The following RAB3C variants were observed in gnomAD, a reference collection of about 807,000 sequenced individuals.
RAB3C encodes the protein RAB3C, member RAS oncogene family, also known as ras-related protein Rab-3C.
In RAB3C, 17 loss-of-function variants were observed where a neutral mutation model predicts 26.4. That is an observed-to-expected ratio of 0.64 (90% CI 0.44 to 0.97). The LOEUF (loss-of-function observed/expected upper bound fraction) is 0.97. Ranked by LOEUF, RAB3C falls within the 50% of genes least tolerant of loss-of-function variation. The pLI, the probability that RAB3C is intolerant of heterozygous loss-of-function variation, is 0.00. For missense variants in RAB3C, 242 were observed against 281.9 expected (o/e 0.86, Z 1.01); for synonymous variants, 91 against 95.9 (o/e 0.95, Z 0.30).
intron 3 of RAB3C, among the ~76,000 whole-genome samples, chr5:58,824,078 G>A (rs1025008847): frequency 1.3e-5 from 2 of 151,896 alleles, no homozygotes; most frequent in African/African-American, 4.8e-5. Flanking sequence ...TGGCTGCATA[G>A]TATTCCATGG....
At chr5:58,822,884 A>T (rs1203377018) in intron 3 of RAB3C, 1 of 638,984 alleles carries the variant, frequency 1.6e-6, no homozygotes. Context: ...AGTGGAGATG[A>T]CTGGAGATTA....
chr5:58,750,217 T>C (rs1021301281), intron 3 of RAB3C, among the ~76,000 whole-genome samples: 3 of 152,212 alleles, frequency 2.0e-5, no homozygotes, highest in African/African-American at 7.2e-5. Context: ...GTGTTCACTT[T>C]GGCAAGGGAC....
At chr5:58,829,303 AT>A (rs749235245) in intron 4 of RAB3C, among the ~76,000 whole-genome samples, 8 of 152,214 alleles carry the variant, frequency 5.3e-5, no homozygotes, top group South Asian at 4.1e-4. Context: ...GTACTTATAT[AT>A]GTACAATCTC....
At chr5:58,795,224 G>T (rs1454355925) in intron 3 of RAB3C, among the ~76,000 whole-genome samples, 3 of 152,106 alleles carry the variant, frequency 2.0e-5, no homozygotes, top group Non-Finnish European at 4.4e-5. Flanking sequence ...TGATTGTGGG[G>T]CCTCCCCAGC....
At position 58,686,563 on chromosome 5, in the gene RAB3C, T is replaced by C. The variant is rs964848065; in HGVS notation, c.253-39439T>C. Reference sequence around the variant, plus strand: ...AAAATATTAACAACTGGTTTTGCTATGACTGATTATGGCTTGTGAGTCCTG... The same window carrying C: ...AAAATATTAACAACTGGTTTTGCTACGACTGATTATGGCTTGTGAGTCCTG... On this transcript the variant is annotated intron_variant, in intron 2 of 4. Transcript: ENST00000282878. Among the ~76,000 whole-genome samples the C allele has an allele frequency of 2.6e-5, 4 of 152,236 alleles. No homozygotes were observed. In the East Asian group the frequency reaches 7.7e-4, roughly 29 times the overall value.
chr5:58,793,074 A>G (rs1221910728), intron 3 of RAB3C, among the ~76,000 whole-genome samples: 1 of 152,148 alleles, frequency 6.6e-6, no homozygotes, highest in Non-Finnish European at 1.5e-5. Context: ...GAACCCTGTC[A>G]CAAATGGAGG....
chr5:58,714,566 CTG>C (rs1238165281), intron 2 of RAB3C, among the ~76,000 whole-genome samples: 1 of 151,910 alleles, frequency 6.6e-6, no homozygotes, highest in Non-Finnish European at 1.5e-5. Context: ...TAAATAATGT[CTG>C]TGTTAAAAAG....
chr5:58,682,770 T>C (rs888691625), intron 2 of RAB3C, among the ~76,000 whole-genome samples: 9 of 150,240 alleles, frequency 6.0e-5, no homozygotes, highest in African/African-American at 2.2e-4. Flanking sequence ...ATGAGGGAAG[T>C]GTAAGAGAAG....
chr5:58,821,641 C>T (rs764716853), intron 3 of RAB3C, among the ~76,000 whole-genome samples: 5 of 152,082 alleles, frequency 3.3e-5, no homozygotes, highest in African/African-American at 1.2e-4. Context: ...TTAGAAAGGT[C>T]GTATTGTTCT....
At chr5:58,843,948 T>A (rs1208770882) in intron 4 of RAB3C, among the ~76,000 whole-genome samples, 1 of 152,154 alleles carries the variant, frequency 6.6e-6, no homozygotes. Flanking sequence ...TATATACACC[T>A]ACTATATACC....
chr5:58,698,571 T>TA (rs1561293318), intron 2 of RAB3C, among the ~76,000 whole-genome samples: 1 of 152,246 alleles, frequency 6.6e-6, no homozygotes, highest in African/African-American at 2.4e-5. Flanking sequence ...CAATCAAACG[T>TA]AGATTTGGTC....
chr5:58,697,946 A>C (rs984822050), intron 2 of RAB3C, among the ~76,000 whole-genome samples: 2 of 152,130 alleles, frequency 1.3e-5, no homozygotes, highest in African/African-American at 4.8e-5. Context: ...GTTATATGTG[A>C]ATTTGATCGT....
At chr5:58,687,637 A>G (rs886447060) in intron 2 of RAB3C, among the ~76,000 whole-genome samples, 3 of 152,156 alleles carry the variant, frequency 2.0e-5, no homozygotes, top group Non-Finnish European at 4.4e-5. Flanking sequence ...ATCAATTGAG[A>G]TACAAGGCAA....
Position 58,859,021 on chromosome 5 carries a change from G to A in RAB3C, c.*7670G>A, listed in dbSNP as rs1353121981. 1.3e-5 allele frequency: 2 copies of A among 152,188 alleles called. No individual in the cohort carries two copies. Among genetic ancestry groups the A allele is most frequent in the Non-Finnish European group, 2.9e-5 (2 of 68,044 alleles). 9.4% of individuals were successfully genotyped at this position (152,188 alleles called of 1,614,324 possible). A position where few individuals can be genotyped will look rare whatever the true frequency, so the allele number is the denominator to read the frequency against. ...AGGGCATTGGAAATGCACAGATGAA[G>A]ATCTTCCTTTGGAACCAGGCACATT... On this transcript the variant is annotated 3_prime_UTR_variant, in exon 5 of 5. Transcript: ENST00000282878.
intron 3 of RAB3C, among the ~76,000 whole-genome samples, chr5:58,805,603 AAGAG>A (rs1554019804): frequency 3.8e-5 from 5 of 132,936 alleles, no homozygotes; most frequent in East Asian, 2.1e-4. Context: ...AAAAAAAAAA[AAGAG>A]AGAGAGAGAA....
chr5:58,793,390 C>T (rs185024724), intron 3 of RAB3C, among the ~76,000 whole-genome samples: 7 of 152,228 alleles, frequency 4.6e-5, no homozygotes, highest in African/African-American at 1.4e-4. Context: ...AACCCTGTCT[C>T]TACTAAAAAT....
chr5:58,673,969 A>C (rs145252567), intron 2 of RAB3C, among the ~76,000 whole-genome samples: 1 of 152,360 alleles, frequency 6.6e-6, no homozygotes, highest in Non-Finnish European at 1.5e-5. Flanking sequence ...TAGATGACAT[A>C]AATCAATCAA....
chr5:58,777,387 T>C (rs185623207), intron 3 of RAB3C, among the ~76,000 whole-genome samples: 224 of 152,296 alleles, frequency 1.5e-3, no homozygotes, highest in Middle Eastern at 6.8e-3. Context: ...GAACGCCTAG[T>C]CCTGCCTTGG....
chr5:58,633,977 C>CA (rs532775769), intron 2 of RAB3C, among the ~76,000 whole-genome samples: 44,790 of 138,646 alleles, frequency 0.32, 8,185 homozygotes, highest in African/African-American at 0.53. Flanking sequence ...CTAAAAAATA[C>CA]AAAAAAAAAA....
Sources: allele counts gnomAD v4.1 joint callset (sites outside exome capture counted in the v4.1 genomes callset), GRCh38; gene constraint gnomAD v4.1.1; transcripts MANE v1.5; gene names NCBI Gene and HGNC (gene_info 2026-07-23, HGNC 2026-07-21).